Variants in MX2 observed in about 807,000 individuals in gnomAD.
MX2 encodes MX dynamin like GTPase 2, also known as interferon-induced GTP-binding protein Mx2.
In MX2, 51 loss-of-function variants were observed where a neutral mutation model predicts 74.0. The observed-to-expected ratio is 0.69, with a 90% confidence interval of 0.55 to 0.87. The LOEUF (loss-of-function observed/expected upper bound fraction) is 0.87, where lower values mean the gene tolerates loss of function less well. Among genes scored for constraint, MX2 ranks in the 40% least tolerant of loss-of-function variants. The pLI is 0.00. For synonymous variants in MX2, 369 were observed against 339.3 expected (o/e 1.09, Z -0.96); for missense variants, 832 against 908.7 (o/e 0.92, Z 1.09).
chr21:41,376,384 C>T lies in MX2; in HGVS notation c.-71-452C>T, dbSNP rs374469897. Among the ~76,000 whole-genome samples, 360 of 152,242 alleles carry T rather than the reference C, an allele frequency of 2.4e-3. 2 individuals carry two copies. Among genetic ancestry groups the T allele is most frequent in the African/African-American group, 8.1e-3 (337 of 41,546 alleles). On this transcript the variant is annotated intron_variant, in intron 1 of 13. Transcript: ENST00000330714. ...AACCCATCTCTATAAAAAATACACA[C>T]ACACAAAAAAAACTAGCTGGGCATG...
At chr21:41,401,873 C>T (rs953407705) in intron 10 of MX2, 97 bp from the exon 11 acceptor site, 37 of 1,344,636 alleles carry the variant, frequency 2.8e-5, no homozygotes, top group Non-Finnish European at 3.2e-5. Context: ...ATTGCCTCTG[C>T]GTACAGTGGG....
rs773708167 is a variant in MX2 at position 41,377,120 on chromosome 21, C to A, written c.214C>A (p.Pro72Thr). 1 of 1,614,064 alleles carries A rather than the reference C, an allele frequency of 6.2e-7. No homozygotes were observed. The change falls in exon 2 of 14, where the codon CCA (proline) becomes ACA (threonine). Residue 72 changes from proline to threonine, a missense_variant. Coordinates refer to ENST00000330714, the MANE Select transcript of MX2 (RefSeq NM_002463.2). ...DFNFLTLNNQ[P>T]PPGNRSQPRA... ...CAACTTTCTCACTTTGAACAATCAG[C>A]CACCACCAGGAAACAGGAGCCAACC...
intron 4 of MX2, 21 bp from the exon 5 acceptor site, chr21:41,382,389 C>T: frequency 6.2e-7 from 1 of 1,610,442 alleles, no homozygotes; most frequent in African/African-American, 1.3e-5. Context: ...CTCTGGGTTT[C>T]TCCCCTCCTG....
intron 6 of MX2, among the ~76,000 whole-genome samples, chr21:41,392,843 G>T (rs2089678602): frequency 6.6e-6 from 1 of 152,086 alleles, no homozygotes; most frequent in African/African-American, 2.4e-5. Context: ...GTTGACTCAT[G>T]CCTGCAATCC....
At chr21:41,384,435 G>A (rs188464294) in intron 5 of MX2, among the ~76,000 whole-genome samples, 27 of 152,300 alleles carry the variant, frequency 1.8e-4, no homozygotes, top group Admixed American at 7.2e-4. Flanking sequence ...AAATTTTTCC[G>A]TTGTTGTAAA....
Position 41,388,106 on chromosome 21 carries a change from G to C in MX2, c.733-2459G>C, listed in dbSNP as rs1406338777. 6.6e-6 allele frequency among the ~76,000 whole-genome samples: 1 copy of C among 152,152 alleles called. No homozygotes were observed. Among genetic ancestry groups the C allele is most frequent in the Non-Finnish European group, 1.5e-5 (1 of 68,030 alleles). ...TGCTGGCCTCCTGCTGGGTTTCTCT[G>C]CCTCTGCCCTTCCCGGCAGCACCCA... On this transcript the variant is annotated intron_variant, in intron 5 of 13. Transcript: ENST00000330714. The surrounding 1 kb of genome is among the most constrained non-coding windows in gnomAD (Gnocchi z 4.0).
intron 7 of MX2, among the ~76,000 whole-genome samples, chr21:41,396,502 G>A (rs544150100): frequency 6.6e-6 from 1 of 152,224 alleles, no homozygotes; most frequent in Non-Finnish European, 1.5e-5. Context: ...TTTGGGCCGA[G>A]TAGGTCTACG....
chr21:41,377,249 A>G, intron 2 of MX2, 94 bp downstream of exon 2: 1 of 1,528,760 alleles, frequency 6.5e-7, no homozygotes, highest in Non-Finnish European at 8.8e-7. Context: ...AGAACCAGCC[A>G]GTCTGCTCCT....
At chr21:41,405,925 A>G (rs1345644000) in intron 12 of MX2, among the ~76,000 whole-genome samples, 1 of 151,574 alleles carries the variant, frequency 6.6e-6, no homozygotes, top group African/African-American at 2.4e-5. Flanking sequence ...GCTGGTCTCA[A>G]ACTCCTGACC....
At chr21:41,401,194 T>C (rs570260489) in intron 10 of MX2, 5 of 148,920 alleles carry the variant, frequency 3.4e-5, no homozygotes, top group Middle Eastern at 3.4e-3. Context: ...TGAGATTTGG[T>C]TGGGGACACA....
intron 5 of MX2, among the ~76,000 whole-genome samples, chr21:41,385,826 T>C (rs1266416598): frequency 6.6e-6 from 1 of 151,914 alleles, no homozygotes; most frequent in Non-Finnish European, 1.5e-5. Flanking sequence ...AATAAAAACA[T>C]CCAAAATTGA....
chr21:41,399,554 C>T (rs1172514618), intron 10 of MX2: 3 of 464,494 alleles, frequency 6.5e-6, no homozygotes, highest in Non-Finnish European at 1.2e-5. Flanking sequence ...CCTCTGATGT[C>T]CTCGTGTCTT....
chr21:41,403,970 A>C, intron 12 of MX2: 4 of 218,888 alleles, frequency 1.8e-5, no homozygotes, highest in Non-Finnish European at 3.8e-5. Context: ...CCCAGTTCTG[A>C]CTCCCGCCCA....
intron 6 of MX2, among the ~76,000 whole-genome samples, chr21:41,392,922 C>T (rs761378336): frequency 6.6e-6 from 1 of 151,728 alleles, no homozygotes; most frequent in African/African-American, 2.4e-5. Context: ...CTGGCCAACA[C>T]GGTGAAACCC....
Position 41,399,231 on chromosome 21 carries a change from A to G in MX2, c.1308A>G (p.Leu436=). 1 of 1,613,982 alleles carries G rather than the reference A, an allele frequency of 6.2e-7. No individual in the cohort carries two copies. The highest frequency in any genetic ancestry group is 8.5e-7 in the Non-Finnish European group (1 of 1,179,836). The change falls in exon 10 of 14, where the codon TTA becomes TTG. Residue 436 remains leucine (L), a synonymous_variant. Transcript: ENST00000330714. ...IKMFNQDIEK[L]VEGEEVVREN... The stretch of plus-strand genomic sequence containing the variant: ...TGTTTAATCAGGACATCGAAAAGTT[A>G]GTAGAAGGAGAAGAAGTTGTAAGGG...
intron 4 of MX2, among the ~76,000 whole-genome samples, chr21:41,381,168 A>G (rs1272217217): frequency 1.3e-5 from 2 of 152,188 alleles, no homozygotes; most frequent in African/African-American, 4.8e-5. Context: ...AAGCTGCTGG[A>G]TACCCTCAAT....
At position 41,388,449 on chromosome 21, in the gene MX2, G is replaced by T. The variant is rs2089611579; in HGVS notation, c.733-2116G>T. Among the ~76,000 whole-genome samples the T allele has an allele frequency of 6.6e-6, 1 of 152,248 alleles. No individual in the cohort carries two copies. Among genetic ancestry groups the T allele is most frequent in the East Asian group, 1.9e-4 (1 of 5,172 alleles). On this transcript the variant is annotated intron_variant, in intron 5 of 13. Coordinates refer to ENST00000330714, the MANE Select transcript of MX2 (RefSeq NM_002463.2). This position sits in a 1 kb window ranked among gnomAD's most constrained non-coding sequence, Gnocchi z 4.0. ...GCAGAGGGCATCCTTCATTCCTCGCGGGTTTCTGCTGCAAGGCTGCCCTAC... is the reference window on the plus strand; with the variant it reads ...GCAGAGGGCATCCTTCATTCCTCGCTGGTTTCTGCTGCAAGGCTGCCCTAC...
chr21:41,395,528 T>G (rs920671984), intron 6 of MX2, 59 bp from the exon 7 acceptor site: 2 of 1,555,452 alleles, frequency 1.3e-6, no homozygotes, highest in African/African-American at 2.7e-5. Context: ...CCAGTAGGAG[T>G]CAAACCTGTT....
chr21:41,392,625 A>G (rs1428822228), intron 6 of MX2, among the ~76,000 whole-genome samples: 5 of 152,232 alleles, frequency 3.3e-5, no homozygotes, highest in African/African-American at 1.2e-4. Context: ...GTACTTAATT[A>G]CGCGAACTAT....
Sources: allele counts gnomAD v4.1 joint callset (sites outside exome capture counted in the v4.1 genomes callset), GRCh38; gene constraint gnomAD v4.1.1; non-coding constraint Gnocchi (gnomAD v3.1); transcripts MANE v1.5; gene names NCBI Gene and HGNC (gene_info 2026-07-23, HGNC 2026-07-21).